Variants in CPS1 observed in about 807,000 individuals in gnomAD.
The protein encoded by CPS1 is carbamoyl-phosphate synthase [ammonia], mitochondrial.
A neutral mutation model predicts 174.6 loss-of-function variants in CPS1; 109 were observed. That is an observed-to-expected ratio of 0.62 (90% CI 0.53 to 0.73). The LOEUF (loss-of-function observed/expected upper bound fraction) is 0.73, where lower values mean the gene tolerates loss of function less well. Among genes scored for constraint, CPS1 ranks in the 30% least tolerant of loss-of-function variants. The pLI is 0.00. For synonymous variants in CPS1, 637 were observed against 632.0 expected (o/e 1.01, Z -0.12); for missense variants, 1,689 against 1,821.9 (o/e 0.93, Z 1.33).
At chr2:210,560,456 C>T (rs1418182191) in intron 1 of CPS1, among the ~76,000 whole-genome samples, 1 of 152,018 alleles carries the variant, frequency 6.6e-6, no homozygotes, top group African/African-American at 2.4e-5. Context: ...GCTTAAGTTC[C>T]CTATGAATAG....
chr2:210,640,182 T>C, intron 24 of CPS1, 123 bp downstream of exon 24: 3 of 702,986 alleles, frequency 4.3e-6, no homozygotes, highest in Admixed American at 5.4e-5. Context: ...TTTTGCAAAT[T>C]AGGAAGCTGG....
chr2:210,508,013 C>T (rs2105970826), intron 1 of CPS1, among the ~76,000 whole-genome samples: 1 of 152,240 alleles, frequency 6.6e-6, no homozygotes, highest in South Asian at 2.1e-4. Flanking sequence ...GAATTCAGTT[C>T]TGCACCAAGC....
intron 9 of CPS1, 66 bp downstream of exon 9, chr2:210,590,972 C>T (rs1472424633): frequency 8.3e-7 from 1 of 1,203,368 alleles, no homozygotes; most frequent in African/African-American, 1.5e-5. Context: ...ACAAAGAACT[C>T]AGAGCACTTA....
chr2:210,656,950 T>C (rs1700728022), intron 30 of CPS1, among the ~76,000 whole-genome samples: 2 of 152,108 alleles, frequency 1.3e-5, no homozygotes, highest in Admixed American at 1.3e-4. Flanking sequence ...TATTTCTGGA[T>C]CGGGCTCCAG....
chr2:210,670,445 G>A (rs907010459), intron 34 of CPS1, among the ~76,000 whole-genome samples: 6 of 152,134 alleles, frequency 3.9e-5, no homozygotes, highest in African/African-American at 1.4e-4. Flanking sequence ...TTAGTATGGG[G>A]CCAAATCTAA....
At chr2:210,650,711 T>C (rs922962480) in intron 28 of CPS1, among the ~76,000 whole-genome samples, 8 of 152,188 alleles carry the variant, frequency 5.3e-5, no homozygotes, top group African/African-American at 1.9e-4. Context: ...TCAAAACAGA[T>C]TTTAGACTCC....
chr2:210,572,518 A>T (rs1424048235), intron 1 of CPS1, among the ~76,000 whole-genome samples: 1 of 152,024 alleles, frequency 6.6e-6, no homozygotes, highest in Admixed American at 6.6e-5. Flanking sequence ...GGAGTAGATG[A>T]TGTCTGCTTC....
chr2:210,503,468 G>T (rs1291289759), intron 1 of CPS1, among the ~76,000 whole-genome samples: 1 of 152,114 alleles, frequency 6.6e-6, no homozygotes, highest in South Asian at 2.1e-4. Flanking sequence ...ATTTCCAGCA[G>T]GTGTGTGTTC....
chr2:210,599,348 A>G lies in CPS1; in HGVS notation c.1360-24A>G, dbSNP rs1327242133. On this transcript the variant is annotated intron_variant, in intron 13 of 37. Coordinates refer to ENST00000233072, the MANE Select transcript of CPS1 (RefSeq NM_001875.5). ...TCTTCTTTAGACCATATATTCATGT[A>G]CTGGATTCTTTTGTTTCTTTCAGGA... 4.4e-6 allele frequency: 7 copies of G among 1,605,662 alleles called. No homozygotes were observed. In the South Asian group the frequency reaches 7.7e-5, roughly 18 times the overall value.
At chr2:210,577,086 A>T (rs944371105) in intron 3 of CPS1, 4 of 316,640 alleles carry the variant, frequency 1.3e-5, no homozygotes, top group Non-Finnish European at 1.8e-5. Flanking sequence ...CTCTGCTTTA[A>T]GTATAAATTA....
At chr2:210,645,230 G>T (rs955793525) in intron 25 of CPS1, among the ~76,000 whole-genome samples, 6 of 152,044 alleles carry the variant, frequency 3.9e-5, no homozygotes, top group African/African-American at 1.4e-4. Context: ...TACTCTAAAA[G>T]ATTCCTGAGG....
At chr2:210,675,553 A>T (rs1489086178) in intron 35 of CPS1, among the ~76,000 whole-genome samples, 175 bp from the exon 36 acceptor site, 1 of 152,236 alleles carries the variant, frequency 6.6e-6, no homozygotes, top group Non-Finnish European at 1.5e-5. Context: ...CTGCAAATAT[A>T]TAAAAAATGT....
At chr2:210,537,069 A>G (rs1297948356) in intron 1 of CPS1, among the ~76,000 whole-genome samples, 1 of 152,214 alleles carries the variant, frequency 6.6e-6, no homozygotes, top group Non-Finnish European at 1.5e-5. Context: ...ATGCATTTAA[A>G]TAGGAATTTC....
chr2:210,570,292 T>A (rs914990748), intron 1 of CPS1, among the ~76,000 whole-genome samples: 1 of 151,860 alleles, frequency 6.6e-6, no homozygotes, highest in Non-Finnish European at 1.5e-5. Flanking sequence ...GAACACAATC[T>A]CAGGGACTAT....
intron 34 of CPS1, chr2:210,673,789 T>C (rs1701404560): frequency 6.6e-6 from 1 of 152,208 alleles, no homozygotes; most frequent in African/African-American, 2.4e-5. Flanking sequence ...CTCATACTAA[T>C]GTAAGAACTG....
intron 18 of CPS1, 72 bp downstream of exon 18, chr2:210,607,013 G>A (rs1698938950): frequency 1.5e-6 from 2 of 1,379,180 alleles, no homozygotes; most frequent in African/African-American, 1.4e-5. Context: ...ACAGATAGTG[G>A]AAGACTGTAC....
intron 11 of CPS1, among the ~76,000 whole-genome samples, chr2:210,594,255 G>A (rs1167796694): frequency 2.6e-5 from 4 of 151,788 alleles, no homozygotes; most frequent in African/African-American, 4.8e-5. Flanking sequence ...TTCTCAGAAG[G>A]TATCTGATAT....
chr2:210,489,855 G>A (rs985733423), intron 1 of CPS1, among the ~76,000 whole-genome samples: 12 of 151,958 alleles, frequency 7.9e-5, no homozygotes, highest in African/African-American at 2.7e-4. Flanking sequence ...AAAATTAGCC[G>A]GGCGTGGTGG....
intron 34 of CPS1, chr2:210,674,181 G>A (rs1239167988): frequency 6.6e-6 from 1 of 152,166 alleles, no homozygotes. Flanking sequence ...TTAGAAATAA[G>A]AGCAAGTTGA....
Sources: allele counts gnomAD v4.1 joint callset (sites outside exome capture counted in the v4.1 genomes callset), GRCh38; gene constraint gnomAD v4.1.1; transcripts MANE v1.5; gene names NCBI Gene and HGNC (gene_info 2026-07-23, HGNC 2026-07-21).